Variants in RIMBP2 observed in about 807,000 individuals in gnomAD.
RIMBP2 encodes RIMS binding protein 2.
A neutral mutation model predicts 118.6 loss-of-function variants in RIMBP2; 48 were observed. The ratio of observed to expected loss-of-function variants is 0.40; its 90% CI spans 0.32 to 0.51. The LOEUF (loss-of-function observed/expected upper bound fraction) is 0.51, where lower values mean the gene tolerates loss of function less well. Among genes scored for constraint, RIMBP2 ranks in the 20% least tolerant of loss-of-function variants. RIMBP2 has a pLI of 0.41. For missense variants in RIMBP2, 1,551 were observed against 1,768.3 expected, an observed-to-expected ratio of 0.88 and a Z score of 2.20; for synonymous variants, 762 against 742.9, an observed-to-expected ratio of 1.03 and a Z score of -0.42.
intron 1 of RIMBP2, among the ~76,000 whole-genome samples, chr12:130,662,935 G>A (rs2063723134): frequency 6.6e-6 from 1 of 152,156 alleles, no homozygotes; most frequent in Non-Finnish European, 1.5e-5. Flanking sequence ...CAGCCTGGGT[G>A]ACAGAGTAAG....
In RIMBP2 at chr12:130,580,949, T is replaced by TGTGTGTG. The variant is rs1555298087; in HGVS notation, c.-217+47372_-217+47373insCACACAC. 2.9e-3 allele frequency among the ~76,000 whole-genome samples: 317 copies of TGTGTGTG among 108,644 alleles called. 2 individuals are homozygous for TGTGTGTG. Among genetic ancestry groups the TGTGTGTG allele is most frequent in the Admixed American group, 5.7e-3 (61 of 10,630 alleles). 71.3% of individuals were successfully genotyped at this position (108,644 alleles called of 152,430 possible). Reference sequence around the variant, plus strand: ...ATGGTGTGTGTGTGTGTGTGTGTGTTTGTTTGTGTGTGTGTGTGTATGTAT... The same window carrying TGTGTGTG: ...ATGGTGTGTGTGTGTGTGTGTGTGTTGTGTGTGTGTTTGTGTGTGTGTGTGTATGTAT... On this transcript the variant is annotated intron_variant, in intron 2 of 22. Coordinates refer to ENST00000690449, the MANE Select transcript of RIMBP2 (RefSeq NM_001393629.1).
At chr12:130,495,144 A>G (rs2049023704) in intron 4 of RIMBP2, among the ~76,000 whole-genome samples, 1 of 152,230 alleles carries the variant, frequency 6.6e-6, no homozygotes, top group African/African-American at 2.4e-5. Flanking sequence ...ATTTTCAAAT[A>G]AGGTCATATT....
At chr12:130,548,686 G>C (rs2055414645) in intron 2 of RIMBP2, among the ~76,000 whole-genome samples, 1 of 152,064 alleles carries the variant, frequency 6.6e-6, no homozygotes, top group African/African-American at 2.4e-5. Flanking sequence ...CAATTCTTCT[G>C]CCTCAGCCTC....
rs1028315328 is a variant in RIMBP2, at chr12:130,576,423, C to T, written c.-217+51899G>A. ...CCCTCAGAGCCCTAAACACACTACC[C>T]GTGGGCAGCTGGCAGGTGGCCAGCT... On this transcript the variant is annotated intron_variant, in intron 2 of 22. Coordinates refer to ENST00000690449, the MANE Select transcript of RIMBP2 (RefSeq NM_001393629.1). The surrounding 1 kb of genome is among the most constrained non-coding windows in gnomAD (Gnocchi z 4.2). 1.3e-5 allele frequency among the ~76,000 whole-genome samples: 2 copies of T among 152,082 alleles called. No individual in the cohort carries two copies. The highest frequency in any genetic ancestry group is 4.8e-5 in the African/African-American group (2 of 41,418).
At chr12:130,659,106 G>T (rs192723927) in intron 1 of RIMBP2, among the ~76,000 whole-genome samples, 279 of 152,246 alleles carry the variant, frequency 1.8e-3, no homozygotes, top group African/African-American at 6.4e-3. Context: ...TCAAGAGTGG[G>T]CTCACCCAGT....
chr12:130,603,404 G>A (rs1165504901), intron 2 of RIMBP2, among the ~76,000 whole-genome samples: 4 of 152,196 alleles, frequency 2.6e-5, no homozygotes, highest in Admixed American at 1.3e-4. Flanking sequence ...GTAAGCACCT[G>A]CATCATGGAA....
intron 5 of RIMBP2, 113 bp from the exon 6 acceptor site, chr12:130,470,856 T>A: frequency 2.0e-6 from 1 of 498,242 alleles, no homozygotes; most frequent in Non-Finnish European, 3.1e-6. Context: ...ATTCCTCTAA[T>A]AGAGGAATTA....
chr12:130,444,747 C>T (rs1332695123), intron 10 of RIMBP2, among the ~76,000 whole-genome samples: 1 of 152,174 alleles, frequency 6.6e-6, no homozygotes, highest in Admixed American at 6.5e-5. Context: ...CCAAGAGCCA[C>T]CTTCCCGTGA....
At chr12:130,641,011 C>T (rs549874023) in intron 1 of RIMBP2, among the ~76,000 whole-genome samples, 9 of 152,314 alleles carry the variant, frequency 5.9e-5, no homozygotes, top group East Asian at 1.9e-4. Flanking sequence ...CTAATGTCGG[C>T]GTCACAGCCG....
At chr12:130,529,617 T>C (rs970669447) in intron 2 of RIMBP2, among the ~76,000 whole-genome samples, 3 of 152,218 alleles carry the variant, frequency 2.0e-5, no homozygotes, top group Non-Finnish European at 4.4e-5. Flanking sequence ...TTTTATGTTA[T>C]GTCAATTTTA....
Position 130,416,421 on chromosome 12 carries a change from A to G in RIMBP2, c.3239-2115T>C, listed in dbSNP as rs543340311. On this transcript the variant is annotated intron_variant, in intron 17 of 22. Transcript: ENST00000690449. ...AATAGAGAACCAGAAATAAAACCAC[A>G]TGCCTACAACCCTCTGATATTTGAC... Among the ~76,000 whole-genome samples, 7 of 152,314 alleles carry G rather than the reference A, an allele frequency of 4.6e-5. No homozygotes were observed. The South Asian group carries it at 1.2e-3, about 27-fold the overall frequency.
intron 13 of RIMBP2, 99 bp downstream of exon 13, chr12:130,436,742 TG>T: frequency 9.9e-7 from 1 of 1,005,476 alleles, no homozygotes; most frequent in Non-Finnish European, 1.3e-6. Flanking sequence ...CCCTGCAAGC[TG>T]GGATGCGGGT....
At chr12:130,650,958 T>TA (rs397700189) in intron 1 of RIMBP2, among the ~76,000 whole-genome samples, 4,557 of 125,572 alleles carry the variant, frequency 0.036, 118 homozygotes, top group African/African-American at 0.05. Flanking sequence ...TTGTTTTTTT[T>TA]AAAAAAAAAA....
chr12:130,477,220 AAC>A (rs2081511480), intron 5 of RIMBP2, among the ~76,000 whole-genome samples: 1 of 152,214 alleles, frequency 6.6e-6, no homozygotes. Context: ...GACGCGGAAT[AAC>A]AGAGTCAGTT....
chr12:130,612,300 G>A (rs561545141), intron 2 of RIMBP2, among the ~76,000 whole-genome samples: 53 of 152,300 alleles, frequency 3.5e-4, no homozygotes, highest in Non-Finnish European at 3.5e-4. Context: ...GGGTGTTTCA[G>A]TTGGCCAGGG....
At chr12:130,416,726 A>T (rs1185043855) in intron 17 of RIMBP2, among the ~76,000 whole-genome samples, 3 of 152,198 alleles carry the variant, frequency 2.0e-5, no homozygotes, top group African/African-American at 4.8e-5. Context: ...AACATGCATG[A>T]CCTAATTAAA....
At chr12:130,410,514 T>C (rs1259968134) in intron 19 of RIMBP2, among the ~76,000 whole-genome samples, 2 of 152,354 alleles carry the variant, frequency 1.3e-5, no homozygotes, top group Admixed American at 1.3e-4. Flanking sequence ...CTTGAAACTA[T>C]GATCCATTTT....
intron 11 of RIMBP2, among the ~76,000 whole-genome samples, chr12:130,439,165 G>A (rs1300983956): frequency 6.7e-6 from 1 of 149,806 alleles, no homozygotes; most frequent in African/African-American, 2.4e-5. Flanking sequence ...GTGTGTAAAT[G>A]TGTATGTATG....
chr12:130,663,703 G>T (rs1192154965), intron 1 of RIMBP2, among the ~76,000 whole-genome samples: 2 of 151,752 alleles, frequency 1.3e-5, no homozygotes, highest in Non-Finnish European at 2.9e-5. Context: ...CTCTGAGTGG[G>T]GTAGGAGTCA....
Sources: allele counts gnomAD v4.1 joint callset (sites outside exome capture counted in the v4.1 genomes callset), GRCh38; gene constraint gnomAD v4.1.1; non-coding constraint Gnocchi (gnomAD v3.1); transcripts MANE v1.5; gene names NCBI Gene and HGNC (gene_info 2026-07-23, HGNC 2026-07-21).